Variants in ANKRD26 observed in about 807,000 individuals in gnomAD.
The protein encoded by ANKRD26 is ankyrin repeat domain 26.
A neutral mutation model predicts 208.7 loss-of-function variants in ANKRD26; 141 were observed. The observed-to-expected ratio is 0.68, with a 90% CI of 0.59 to 0.78. ANKRD26 has a LOEUF of 0.78. ANKRD26 is among the 30% of genes least tolerant of loss of function. The probability of loss-of-function intolerance (pLI) is 0.00; values close to 1 mark genes in which losing one functional copy is unlikely to be tolerated. For synonymous variants in ANKRD26, 636 were observed against 660.4 expected (o/e 0.96, Z 0.57); for missense variants, 1,889 against 1,938.7 (o/e 0.97, Z 0.48).
At position 27,013,007 on chromosome 10, in the gene ANKRD26, G is replaced by T; in HGVS notation, c.4828C>A (p.Pro1610Thr). Residue 1610 changes from proline to threonine, a missense_variant, in exon 32 of 34, where the codon CCT (proline) becomes ACT (threonine). Physicochemically the swap from Pro to Thr is conservative, Grantham distance 38. Around this residue, in one of 3 missense-constraint regions of ANKRD26, gnomAD observed 613 missense variants for 648.2 expected, o/e 0.95. Coordinates refer to ENST00000376087, the MANE Select transcript of ANKRD26 (RefSeq NM_014915.3). ...CTATTATTAAGATTTCCCACACAAG[G>T]TGGCTCCATGACTGGCCTGGTAGTG... ...TLTTRPVMEP[P>T]CVGNLNNSLD... is the part of the protein sequence containing the mutation. 1.2e-6 allele frequency: 2 copies of T among 1,614,016 alleles called. No individual in the cohort carries two copies. The highest frequency in any genetic ancestry group is 1.7e-6 in the Non-Finnish European group (2 of 1,179,970).
chr10:27,085,554 A>G (rs2056087094), intron 5 of ANKRD26, among the ~76,000 whole-genome samples: 1 of 152,222 alleles, frequency 6.6e-6, no homozygotes, highest in Admixed American at 6.5e-5. Flanking sequence ...TTCTGTATTC[A>G]GTATCTTTAA....
At chr10:27,024,408 A>C (rs1450121332) in intron 28 of ANKRD26, 39 bp downstream of exon 28, 1 of 1,099,940 alleles carries the variant, frequency 9.1e-7, no homozygotes, top group Admixed American at 1.9e-5. Context: ...TAAATCAATT[A>C]ATGAATGGTT....
the ANKRD26 span, among the ~76,000 whole-genome samples, chr10:26,950,370 A>G: frequency 6.6e-6 from 1 of 152,246 alleles, no homozygotes; most frequent in Admixed American, 6.5e-5. Flanking sequence ...ACTGTGAGTC[A>G]ATTAAACCTT....
At chr10:26,972,495 G>A (rs116993043), downstream of ANKRD26, among the ~76,000 whole-genome samples, 1,242 of 151,694 alleles carry the variant, frequency 8.2e-3, 11 homozygotes, top group Middle Eastern at 0.017. Context: ...AGATACAACC[G>A]CTTCTTGCTA....
At chr10:26,974,178 A>G (rs2052190159) in exon 6 of ANKRD26, among the ~76,000 whole-genome samples, 2 of 152,022 alleles carry the variant, frequency 1.3e-5, no homozygotes, top group Non-Finnish European at 2.9e-5. Flanking sequence ...CCACCCCTCT[A>G]TACTTACATG....
Position 27,044,059 on chromosome 10 carries a change from G to A in ANKRD26, c.2019+98C>T, listed in dbSNP as rs1045239970. ...TCCTCCCGCTTTAGCCTTCCAAAGT[G>A]CTGAGATTACAGGTGTGAGCCACTG... On this transcript the variant is annotated intron_variant, in intron 19 of 33. Coordinates refer to ENST00000376087, the MANE Select transcript of ANKRD26 (RefSeq NM_014915.3). 1.4e-5 allele frequency: 13 copies of A among 912,184 alleles called. No individual in the cohort carries two copies. In the Admixed American group the frequency reaches 3.5e-4, roughly 25 times the overall value. 56.5% of individuals were successfully genotyped at this position (912,184 alleles called of 1,614,324 possible).
At chr10:27,054,556 C>A (rs968143264) in intron 15 of ANKRD26, among the ~76,000 whole-genome samples, 1 of 152,082 alleles carries the variant, frequency 6.6e-6, no homozygotes, top group African/African-American at 2.4e-5. Context: ...CTGCACTCCA[C>A]TGAGACTCCA....
In ANKRD26 at chr10:27,033,340, G is replaced by C. The variant is rs751964173; in HGVS notation, c.3692C>G (p.Thr1231Ser). The C allele has an allele frequency of 1.2e-6, 2 of 1,611,032 alleles. No individual in the cohort carries two copies. The highest frequency in any genetic ancestry group is 1.7e-6 in the Non-Finnish European group (2 of 1,178,088). Reference sequence around the variant, plus strand: ...CTCTGACATAGATTGTTTTTTTAGGGTATCAGCTAGTTCTTGTTGAAGTTG... The same window carrying C: ...CTCTGACATAGATTGTTTTTTTAGGCTATCAGCTAGTTCTTGTTGAAGTTG... ...VRQLQQELAD[T>S]LKKQSMSEAS... The change falls in exon 25 of 34, where the codon ACC becomes AGC. Residue 1231 changes from threonine (T) to serine (S), a missense_variant. Coordinates refer to ENST00000376087, the MANE Select transcript of ANKRD26 (RefSeq NM_014915.3).
At chr10:27,017,966 C>G (rs867888405) in intron 29 of ANKRD26, among the ~76,000 whole-genome samples, 174 bp from the exon 30 acceptor site, 2 of 152,064 alleles carry the variant, frequency 1.3e-5, no homozygotes, top group Admixed American at 6.6e-5. Context: ...AGAACAAAGT[C>G]AAAGCCACCA....
intron 27 of ANKRD26, among the ~76,000 whole-genome samples, chr10:27,027,811 C>T (rs751830823): frequency 2.0e-5 from 3 of 152,170 alleles, no homozygotes; most frequent in Admixed American, 6.5e-5. Flanking sequence ...GAAACCACTA[C>T]AATTTGGATT....
intron 29 of ANKRD26, among the ~76,000 whole-genome samples, chr10:27,021,192 A>G (rs1018018288): frequency 6.6e-6 from 1 of 152,194 alleles, no homozygotes; most frequent in East Asian, 1.9e-4. Flanking sequence ...TCCATTGTCT[A>G]TGGACATTTA....
downstream of ANKRD26, among the ~76,000 whole-genome samples, chr10:26,969,171 G>C (rs1321189619): frequency 6.6e-6 from 1 of 152,106 alleles, no homozygotes; most frequent in Non-Finnish European, 1.5e-5. Context: ...TGAAGTGCCC[G>C]GATCTCTGCA....
intron 9 of ANKRD26, among the ~76,000 whole-genome samples, chr10:27,074,412 G>A (rs1315108825): frequency 6.6e-6 from 1 of 152,246 alleles, no homozygotes; most frequent in South Asian, 2.1e-4. Context: ...TGGGCATGGT[G>A]GCTCACGGCT....
intron 5 of ANKRD26, among the ~76,000 whole-genome samples, chr10:26,979,148 A>G (rs1394040769): frequency 6.6e-6 from 1 of 152,142 alleles, no homozygotes; most frequent in Non-Finnish European, 1.5e-5. Flanking sequence ...TGAACCCGGG[A>G]GGCGGAGCTT....
chr10:27,014,547 T>C lies in ANKRD26; in HGVS notation c.4671A>G (p.Gln1557=), dbSNP rs1335022254. The C allele has an allele frequency of 6.2e-7, 1 of 1,600,836 alleles. No individual in the cohort carries two copies. Among genetic ancestry groups the C allele is most frequent in the Non-Finnish European group, 8.5e-7 (1 of 1,171,628 alleles). ...FNKTELEKYK[Q]LYLEELKVRK... ...TAACTTTTAATTCTTCTAGATAGAG[T>C]TGCTTATATTTTTCCAGTTCGGTTT... The change falls in exon 31 of 34, where the codon CAA becomes CAG. Residue 1557 remains glutamine (Q), a synonymous_variant. Transcript: ENST00000376087.
At chr10:27,063,327 T>C (rs2055130459) in intron 12 of ANKRD26, among the ~76,000 whole-genome samples, 1 of 151,980 alleles carries the variant, frequency 6.6e-6, no homozygotes, top group Non-Finnish European at 1.5e-5. Flanking sequence ...ATTTTTTAAT[T>C]TTTATTTTTT....
At chr10:26,963,115 T>C in the ANKRD26 span, among the ~76,000 whole-genome samples, 5 of 152,316 alleles carry the variant, frequency 3.3e-5, 1 homozygote, top group Admixed American at 3.3e-4. Flanking sequence ...AGAATAATGA[T>C]TATAATCAGC....
exon 6 of ANKRD26, among the ~76,000 whole-genome samples, chr10:26,976,002 C>A (rs2052221824): frequency 6.6e-6 from 1 of 152,020 alleles, no homozygotes. Flanking sequence ...CCAATTGCAA[C>A]CTCATCTTTT....
chr10:27,038,172 T>A, intron 21 of ANKRD26, 118 bp from the exon 22 acceptor site: 2 of 847,558 alleles, frequency 2.4e-6, no homozygotes, highest in Non-Finnish European at 3.6e-6. Context: ...TGTTCTTGAA[T>A]ATTTTTCCTT....
Sources: gnomAD v4.1 joint callset for allele counts (sites outside exome capture counted in the v4.1 genomes callset) on GRCh38, gnomAD v4.1.1 for gene constraint, gnomAD v4.1.1 regional missense constraint, MANE v1.5 for transcripts, NCBI Gene and HGNC (gene_info 2026-07-23, HGNC 2026-07-21) for gene names.